The following ADGRB1 variants were observed in gnomAD, a reference collection of about 807,000 sequenced individuals.
ADGRB1 encodes the protein brain-specific angiogenesis inhibitor 1.
ADGRB1 carries 36 observed loss-of-function variants against 175.7 expected under a neutral mutation model. The ratio of observed to expected loss-of-function variants is 0.20; its 90% CI spans 0.16 to 0.27. ADGRB1 has a LOEUF of 0.27. Among genes scored for constraint, ADGRB1 ranks in the 10% least tolerant of loss-of-function variants. The pLI is 1.00. For missense variants in ADGRB1, 1,731 were observed against 2,255.3 expected, an observed-to-expected ratio of 0.77 and a Z score of 4.71; for synonymous variants, 1,054 against 979.4, an observed-to-expected ratio of 1.08 and a Z score of -1.42.
chr8:142,498,039 T>C (rs76993878), intron 17 of ADGRB1, among the ~76,000 whole-genome samples: 2,849 of 152,250 alleles, frequency 0.019, 39 homozygotes, highest in Non-Finnish European at 0.026. Context: ...CAGCTGCCCT[T>C]ACCCAGGCCC....
chr8:142,529,281 T>C (rs1320103103), intron 24 of ADGRB1, among the ~76,000 whole-genome samples: 1 of 152,062 alleles, frequency 6.6e-6, no homozygotes, highest in East Asian at 1.9e-4. Context: ...AGTGTGCATA[T>C]GTGAGTGTAC....
chr8:142,470,858 C>A (rs1052360311), intron 2 of ADGRB1, among the ~76,000 whole-genome samples: 20 of 152,164 alleles, frequency 1.3e-4, no homozygotes, highest in Non-Finnish European at 2.5e-4. Flanking sequence ...CCCACACTCA[C>A]TCTGGAGGCT....
In ADGRB1 at chr8:142,494,708, G is replaced by A. The variant is rs151271992; in HGVS notation, c.2675+3893G>A. ...TCCCTGCACCCCAGCAACTAGATCC[G>A]TAACCAAACCCCAACCTCCCAGGCC... On this transcript the variant is annotated intron_variant, in intron 17 of 30. Transcript: ENST00000517894. Among the ~76,000 whole-genome samples the A allele has an allele frequency of 5.1e-3, 769 of 151,316 alleles. 8 individuals carry two copies. Among genetic ancestry groups the A allele is most frequent in the African/African-American group, 0.018 (730 of 41,204 alleles).
rs1297568205 is a variant in ADGRB1, at chr8:142,464,228, C to T, written c.30C>T (p.Pro10=). 2 of 1,321,674 alleles carry T rather than the reference C, an allele frequency of 1.5e-6. No individual in the cohort carries two copies. The highest frequency in any genetic ancestry group is 1.9e-6 in the Non-Finnish European group (2 of 1,043,748). The allele number at this position is 1,321,674 out of a possible 1,614,324, so 81.9% of individuals were successfully genotyped here. A position where few individuals can be genotyped will look rare whatever the true frequency, so the allele number is the denominator to read the frequency against. The change falls in exon 2 of 31, where the codon CCC becomes CCT. Residue 10 remains proline (P), a synonymous_variant. Transcript: ENST00000517894. MRGQAAAPG[P]VWILAPLLLL... ...GGGGCCAGGCCGCCGCCCCGGGCCC[C>T]GTCTGGATCCTCGCCCCGCTGCTAC...
intron 20 of ADGRB1, 98 bp from the exon 21 acceptor site, chr8:142,521,860 AGGGTGCT>A: frequency 2.2e-6 from 3 of 1,345,052 alleles, no homozygotes; most frequent in East Asian, 2.5e-5. Flanking sequence ...GGTCCCAGTG[AGGGTGCT>A]GGGTGCTGGG....
chr8:142,451,196 G>A (rs1322949739), intron 1 of ADGRB1, among the ~76,000 whole-genome samples: 1 of 152,138 alleles, frequency 6.6e-6, no homozygotes, highest in African/African-American at 2.4e-5. Flanking sequence ...CGATGCGACC[G>A]GGAGGGCTTG....
chr8:142,469,016 G>A (rs1840433765), intron 2 of ADGRB1, among the ~76,000 whole-genome samples: 1 of 152,264 alleles, frequency 6.6e-6, no homozygotes, highest in South Asian at 2.1e-4. Flanking sequence ...GACATGTTAA[G>A]GCAGCAGCCA....
At chr8:142,484,816 G>A (rs1033295329) in intron 13 of ADGRB1, 52 bp downstream of exon 13, 5 of 1,387,996 alleles carry the variant, frequency 3.6e-6, no homozygotes, top group African/African-American at 1.4e-5. Context: ...GCAGCCCTGG[G>A]CCAGGCCCTT....
intron 1 of ADGRB1, among the ~76,000 whole-genome samples, chr8:142,453,436 G>A (rs905602455): frequency 2.3e-4 from 35 of 152,158 alleles, no homozygotes; most frequent in Non-Finnish European, 2.9e-4. Context: ...CAAAGACCCC[G>A]AACCAGGAGG....
At chr8:142,531,634 C>T (rs988749672) in intron 24 of ADGRB1, among the ~76,000 whole-genome samples, 8 of 152,204 alleles carry the variant, frequency 5.3e-5, no homozygotes, top group Admixed American at 1.3e-4. Flanking sequence ...CCCTGAGACC[C>T]GGGAGGCACT....
intron 9 of ADGRB1, 41 bp downstream of exon 9, chr8:142,479,835 C>T: frequency 6.4e-7 from 1 of 1,571,436 alleles, no homozygotes; most frequent in Non-Finnish European, 8.7e-7. Flanking sequence ...GGCTCCCGTC[C>T]TGTCCTCACG....
In ADGRB1 at chr8:142,455,758, A is replaced by T. The variant is rs549366497; in HGVS notation, c.-220+5654A>T. ...GAGGAGCGGCCAGGAGGCTGAGAAG[A>T]TGGTGCTGGCTGGGCACTGGCCTGG... On this transcript the variant is annotated intron_variant, in intron 1 of 30. Coordinates refer to ENST00000517894, the MANE Select transcript of ADGRB1 (RefSeq NM_001702.3). The surrounding 1 kb of genome is among the most constrained non-coding windows in gnomAD (Gnocchi z 4.9). Among the ~76,000 whole-genome samples, 1 of 152,278 alleles carries T rather than the reference A, an allele frequency of 6.6e-6. No individual in the cohort carries two copies. The highest frequency in any genetic ancestry group is 1.9e-4 in the East Asian group (1 of 5,156).
chr8:142,533,802 G>A (rs534539326), intron 25 of ADGRB1, among the ~76,000 whole-genome samples: 5 of 152,344 alleles, frequency 3.3e-5, no homozygotes, highest in Admixed American at 3.3e-4. Context: ...GTAGCTTCCA[G>A]GGCAATAGAG....
rs1463721916 is a variant in ADGRB1, at chr8:142,543,403, C to A, written c.4414C>A (p.Arg1472=). 6.2e-7 allele frequency: 1 copy of A among 1,613,742 alleles called. No homozygotes were observed. The highest frequency in any genetic ancestry group is 1.1e-5 in the South Asian group (1 of 91,060). Residue 1472 remains arginine (R), a splice_region_variant and synonymous_variant, in exon 29 of 31, where the codon CGG becomes AGG. Transcript: ENST00000517894. This position sits in a 1 kb window ranked among gnomAD's most constrained non-coding sequence, Gnocchi z 4.4. ...VATLSVSSLE[R]RKSRYAELDF... is the part of the protein sequence containing the mutation. ...GTTCGCAAACCCCTTCTCCCTGCAG[C>A]GGCGGAAGTCGCGGTATGCAGAACT...
intron 18 of ADGRB1, 101 bp from the exon 19 acceptor site, chr8:142,518,037 G>C: frequency 9.0e-7 from 1 of 1,111,092 alleles, no homozygotes; most frequent in Non-Finnish European, 1.3e-6. Context: ...AACGCTGGGG[G>C]TGTGACCCGG....
At chr8:142,458,484 C>G (rs1426591829) in intron 1 of ADGRB1, among the ~76,000 whole-genome samples, 1 of 152,140 alleles carries the variant, frequency 6.6e-6, no homozygotes, top group African/African-American at 2.4e-5. Flanking sequence ...ATCTCAGGCC[C>G]GTTGCTGGCC....
intron 18 of ADGRB1, among the ~76,000 whole-genome samples, chr8:142,512,140 C>T (rs759831978): frequency 6.6e-6 from 1 of 152,258 alleles, no homozygotes; most frequent in African/African-American, 2.4e-5. Flanking sequence ...GTAAAATCCT[C>T]TGTTGACAGG....
At chr8:142,526,731 A>C in intron 24 of ADGRB1, 104 bp downstream of exon 24, 1 of 1,167,744 alleles carries the variant, frequency 8.6e-7, no homozygotes, top group Non-Finnish European at 1.2e-6. Flanking sequence ...CTGAGACTGC[A>C]GGTCCAGGGA....
At chr8:142,528,438 G>A (rs969873230) in intron 24 of ADGRB1, among the ~76,000 whole-genome samples, 1 of 152,218 alleles carries the variant, frequency 6.6e-6, no homozygotes, top group African/African-American at 2.4e-5. Context: ...TTGGGGCCCA[G>A]GCTGGACTCC....
Sources: gnomAD v4.1 joint callset for allele counts (sites outside exome capture counted in the v4.1 genomes callset) on GRCh38, gnomAD v4.1.1 for gene constraint, Gnocchi (gnomAD v3.1) non-coding constraint, MANE v1.5 for transcripts, NCBI Gene and HGNC (gene_info 2026-07-23, HGNC 2026-07-21) for gene names.